The following ATP13A5 variants were observed in gnomAD, a reference collection of about 807,000 sequenced individuals.
ATP13A5 encodes probable cation-transporting ATPase 13A5.
A neutral mutation model predicts 150.2 loss-of-function variants in ATP13A5; 149 were observed. That is an observed-to-expected ratio of 0.99 (90% CI 0.87 to 1.14). The LOEUF is 1.14. Ranked by LOEUF, ATP13A5 falls within the 50% of genes most tolerant of loss-of-function variation. The pLI is 0.00. For synonymous variants in ATP13A5, 497 were observed against 522.2 expected (o/e 0.95, Z 0.66); for missense variants, 1,383 against 1,449.3 (o/e 0.95, Z 0.74).
intron 25 of ATP13A5, among the ~76,000 whole-genome samples, chr3:193,294,381 A>G (rs562412446): frequency 1.3e-5 from 2 of 152,216 alleles, no homozygotes; most frequent in African/African-American, 4.8e-5. Flanking sequence ...TGAAGAGGAC[A>G]GAGATGTGGC....
intron 9 of ATP13A5, among the ~76,000 whole-genome samples, chr3:193,337,167 T>C (rs1711909557): frequency 6.6e-6 from 1 of 152,214 alleles, no homozygotes; most frequent in African/African-American, 2.4e-5. Flanking sequence ...GTTGCAAAAA[T>C]TTTCTCCCAT....
intron 13 of ATP13A5, 56 bp from the exon 14 acceptor site, chr3:193,325,070 C>T: frequency 4.5e-6 from 7 of 1,547,906 alleles, no homozygotes; most frequent in Non-Finnish European, 6.1e-6. Flanking sequence ...ACATTCTGTC[C>T]CTTAAATCTT....
intron 27 of ATP13A5, among the ~76,000 whole-genome samples, chr3:193,284,682 C>G (rs1308247047): frequency 6.6e-6 from 1 of 152,180 alleles, no homozygotes; most frequent in Non-Finnish European, 1.5e-5. Flanking sequence ...CTTGATGACT[C>G]ACAATAGGAC....
At chr3:193,286,769 C>T (rs553292302) in intron 26 of ATP13A5, among the ~76,000 whole-genome samples, 2 of 152,166 alleles carry the variant, frequency 1.3e-5, no homozygotes, top group Admixed American at 6.5e-5. Context: ...GGAAGAGTCA[C>T]GTGTCTCTCT....
chr3:193,361,571 G>A (rs1446395900), intron 5 of ATP13A5, among the ~76,000 whole-genome samples: 2 of 152,196 alleles, frequency 1.3e-5, no homozygotes, highest in Non-Finnish European at 2.9e-5. Flanking sequence ...AAATGGGTGA[G>A]AAATAAAGGT....
At position 193,353,060 on chromosome 3, in the gene ATP13A5, G is replaced by A. The variant is rs191745612; in HGVS notation, c.606+1067C>T. Among the ~76,000 whole-genome samples the A allele has an allele frequency of 2.3e-3, 350 of 152,174 alleles. 3 individuals carry two copies. The highest frequency in any genetic ancestry group is 7.8e-3 in the African/African-American group (324 of 41,522). ...GGCTTCCTGTTCCAGAATAGAGGTT[G>A]AGCAAAGTCATAACCAATGAAGGCT... is the stretch of plus-strand genomic sequence containing the variant. On this transcript the variant is annotated intron_variant, in intron 6 of 29. Transcript: ENST00000342358.
chr3:193,336,778 T>A (rs1263048557), intron 9 of ATP13A5, among the ~76,000 whole-genome samples: 1 of 151,968 alleles, frequency 6.6e-6, no homozygotes, highest in Admixed American at 6.5e-5. Context: ...GGTCAAATGG[T>A]ATTTCTAGTT....
chr3:193,303,861 AT>A (rs1180623004), intron 23 of ATP13A5, among the ~76,000 whole-genome samples: 2 of 151,642 alleles, frequency 1.3e-5, no homozygotes, highest in African/African-American at 2.4e-5. Flanking sequence ...ATATGTATTT[AT>A]GTAAATATAT....
rs1272789096 is a variant in ATP13A5, at chr3:193,299,077, T to C, written c.2848+54A>G. 20 of 1,438,408 alleles carry C rather than the reference T, an allele frequency of 1.4e-5. No homozygotes were observed. The East Asian group carries it at 4.5e-4, about 33-fold the overall frequency. The allele number at this position is 1,438,408 out of a possible 1,614,324, so 89.1% of individuals were successfully genotyped here. On this transcript the variant is annotated intron_variant, in intron 25 of 29. Coordinates refer to ENST00000342358, the MANE Select transcript of ATP13A5 (RefSeq NM_198505.4). The stretch of plus-strand genomic sequence containing the variant: ...AAGTTCCTTTTTGTGTGACTGTTTC[T>C]AGAATTTCATAGATAAATAAAAACA...
intron 11 of ATP13A5, among the ~76,000 whole-genome samples, chr3:193,333,003 G>A (rs1366518224): frequency 1.3e-5 from 2 of 152,038 alleles, no homozygotes; most frequent in African/African-American, 4.8e-5. Context: ...GGCCTCTCTT[G>A]ACCCAGAAAT....
At chr3:193,349,237 A>T (rs966926294) in intron 7 of ATP13A5, among the ~76,000 whole-genome samples, 2 of 152,164 alleles carry the variant, frequency 1.3e-5, no homozygotes, top group Admixed American at 1.3e-4. Flanking sequence ...TAATGAGATT[A>T]GTGTTTGTCC....
In ATP13A5 at chr3:193,276,742, T is replaced by TA; in HGVS notation, c.3396+7dup. ...ATCTTCCTAGAAAAAATATAGAGAT[T>TA]ACTTTACCTCTACAAAGAAAGCCAC... is the stretch of plus-strand genomic sequence containing the variant. On this transcript the variant is annotated splice_region_variant and intron_variant, in intron 29 of 29. Coordinates refer to ENST00000342358, the MANE Select transcript of ATP13A5 (RefSeq NM_198505.4). 6.4e-7 allele frequency: 1 copy of TA among 1,569,928 alleles called. No individual in the cohort carries two copies. Among genetic ancestry groups the TA allele is most frequent in the Non-Finnish European group, 8.7e-7 (1 of 1,146,820 alleles).
intron 5 of ATP13A5, among the ~76,000 whole-genome samples, chr3:193,356,964 C>T (rs933302403): frequency 1.3e-5 from 2 of 152,052 alleles, no homozygotes; most frequent in African/African-American, 4.8e-5. Context: ...TACAGGCCCA[C>T]ACTACCACAC....
At chr3:193,345,155 G>A in intron 7 of ATP13A5, 80 bp from the exon 8 acceptor site, 2 of 1,335,946 alleles carry the variant, frequency 1.5e-6, no homozygotes, top group Non-Finnish European at 2.2e-6. Flanking sequence ...GTAAATACCA[G>A]GCCAGCTGTC....
At chr3:193,372,442 T>C (rs577164414) in intron 1 of ATP13A5, among the ~76,000 whole-genome samples, 107 of 152,284 alleles carry the variant, frequency 7.0e-4, no homozygotes, top group Admixed American at 1.6e-3. Context: ...CTGTTTCTAA[T>C]TTCTTTTAAA....
intron 22 of ATP13A5, among the ~76,000 whole-genome samples, chr3:193,306,097 C>T (rs1278744863): frequency 4.0e-5 from 6 of 151,506 alleles, no homozygotes; most frequent in African/African-American, 9.7e-5. Flanking sequence ...ATTCCTAGGC[C>T]GATCCTATAA....
chr3:193,339,208 T>G (rs1023364583), intron 9 of ATP13A5, among the ~76,000 whole-genome samples: 3 of 152,046 alleles, frequency 2.0e-5, no homozygotes, highest in Non-Finnish European at 2.9e-5. Flanking sequence ...TTGATTTTTT[T>G]AAGGGTTTTT....
At chr3:193,336,927 T>A (rs1305947228) in intron 9 of ATP13A5, among the ~76,000 whole-genome samples, 1 of 152,184 alleles carries the variant, frequency 6.6e-6, no homozygotes, top group Admixed American at 6.5e-5. Flanking sequence ...ATGATTGCCA[T>A]TCTAACTGGT....
At position 193,331,296 on chromosome 3, in the gene ATP13A5, T is replaced by C. The variant is rs745734134; in HGVS notation, c.1288A>G (p.Thr430Ala). The change falls in exon 12 of 30, where the codon ACT (threonine) becomes GCT (alanine). Residue 430 changes from threonine (T) to alanine (A), a missense_variant. Thr to Ala is a moderately conservative substitution (Grantham distance 58). Transcript: ENST00000342358. ...YMYHGVPPKD[T>A]VTMALILLTV... ...AGGAGGATCAGGGCCATGGTCACAG[T>C]ATCTTTTGGAGGAACCTGGGAGAGG... 3 of 1,613,172 alleles carry C rather than the reference T, an allele frequency of 1.9e-6. No individual in the cohort carries two copies. In the African/African-American group the frequency reaches 4.0e-5, roughly 22 times the overall value.
Sources: allele counts gnomAD v4.1 joint callset (sites outside exome capture counted in the v4.1 genomes callset), GRCh38; gene constraint gnomAD v4.1.1; transcripts MANE v1.5; gene names NCBI Gene and HGNC (gene_info 2026-07-23, HGNC 2026-07-21).